Variants in GABRA3 observed in about 807,000 individuals in gnomAD.
GABRA3 encodes gamma-aminobutyric acid receptor subunit alpha-3.
Under a neutral mutation model 30.1 loss-of-function variants are expected in GABRA3, and 10 were observed. The observed-to-expected ratio is 0.33, with a 90% confidence interval of 0.20 to 0.56. The LOEUF is 0.56. Ranked by LOEUF, GABRA3 falls within the 20% of genes least tolerant of loss-of-function variation. The pLI is 0.89. For synonymous variants in GABRA3, 151 were observed against 146.8 expected (o/e 1.03, Z -0.21); for missense variants, 233 against 392.0 (o/e 0.59, Z 3.42).
At chrX:152,299,343 A>C (rs1381874831) in intron 3 of GABRA3, among the ~76,000 whole-genome samples, 2 of 110,717 alleles carry the variant, frequency 1.8e-5, no homozygotes, top group Non-Finnish European at 1.9e-5. Flanking sequence ...GGTTAGAAAA[A>C]GTGAAGCTGA....
At chrX:152,351,680 T>C (rs1437865916) in intron 2 of GABRA3, among the ~76,000 whole-genome samples, 1 of 112,098 alleles carries the variant, frequency 8.9e-6, no homozygotes, top group African/African-American at 3.2e-5. Flanking sequence ...AAACCTTTCA[T>C]TCGCATTGAC....
rs754645991 is a variant in GABRA3, at chrX:152,418,841, C to T, written c.-27+32305G>A. Among the ~76,000 whole-genome samples, 31 of 111,299 alleles carry T rather than the reference C, an allele frequency of 2.8e-4. 1 individual carries two copies. Among genetic ancestry groups the T allele is most frequent in the Middle Eastern group, 4.7e-3 (1 of 214 alleles). On this transcript the variant is annotated intron_variant, in intron 1 of 9. Coordinates refer to ENST00000370314, the MANE Select transcript of GABRA3 (RefSeq NM_000808.4). The stretch of plus-strand genomic sequence containing the variant: ...ATGATGCTATAAAGGTGCATGCACA[C>T]GTATGTTTATTGCGGCACTATTCAC...
Position 152,356,260 on chromosome X carries a change from A to G in GABRA3, c.140+8171T>C, listed in dbSNP as rs1276283405. Among the ~76,000 whole-genome samples the G allele has an allele frequency of 8.0e-5, 9 of 112,232 alleles. No individual in the cohort carries two copies. The Admixed American group carries it at 8.5e-4, about 11-fold the overall frequency. ...TGCTTACAAATACTGAATGTTGAGA[A>G]CTATTACATCAAGCACATGAGTTAT... On this transcript the variant is annotated intron_variant, in intron 2 of 9. Coordinates refer to ENST00000370314, the MANE Select transcript of GABRA3 (RefSeq NM_000808.4).
rs181005204 is a variant in GABRA3, at chrX:152,358,188, T to C, written c.140+6243A>G. On this transcript the variant is annotated intron_variant, in intron 2 of 9. Coordinates refer to ENST00000370314, the MANE Select transcript of GABRA3 (RefSeq NM_000808.4). ...TATTGATTCTTCCTATCCATGTGCA[T>C]GGAATTTTTTTCATTTGTTTGTGTC... is the stretch of plus-strand genomic sequence containing the variant. 5.4e-5 allele frequency among the ~76,000 whole-genome samples: 6 copies of C among 111,913 alleles called. No individual in the cohort carries two copies. The East Asian group carries it at 1.7e-3, about 31-fold the overall frequency.
intron 6 of GABRA3, among the ~76,000 whole-genome samples, chrX:152,208,635 C>T (rs1252041648): frequency 9.3e-6 from 1 of 107,630 alleles, no homozygotes; most frequent in Non-Finnish European, 1.9e-5. Context: ...GCAGATTCCT[C>T]ACAAATGGCT....
intron 4 of GABRA3, among the ~76,000 whole-genome samples, chrX:152,258,303 T>C (rs1263803581): frequency 3.6e-5 from 4 of 111,803 alleles, no homozygotes; most frequent in African/African-American, 9.7e-5. Context: ...GTGTGTTACA[T>C]TGAAGATTAG....
chrX:152,181,954 G>C (rs1228255597), intron 9 of GABRA3, among the ~76,000 whole-genome samples: 1 of 111,021 alleles, frequency 9.0e-6, no homozygotes, highest in African/African-American at 3.3e-5. Context: ...ACTGTAGTGA[G>C]AGTGGACATA....
intron 1 of GABRA3, among the ~76,000 whole-genome samples, chrX:152,413,511 T>C (rs776109298): frequency 9.0e-6 from 1 of 111,665 alleles, no homozygotes; most frequent in South Asian, 3.7e-4. Context: ...GGTTGAACAT[T>C]TGACAATCAA....
intron 6 of GABRA3, among the ~76,000 whole-genome samples, chrX:152,211,530 C>T (rs1285191377): frequency 9.0e-6 from 1 of 111,201 alleles, no homozygotes; most frequent in African/African-American, 3.3e-5. Flanking sequence ...AAGTGGAAGA[C>T]GAAGATGTGA....
At chrX:152,369,690 A>T (rs1461125142) in intron 1 of GABRA3, among the ~76,000 whole-genome samples, 1 of 111,229 alleles carries the variant, frequency 9.0e-6, no homozygotes, top group Non-Finnish European at 1.9e-5. Flanking sequence ...CACATTCCTC[A>T]TACATCCTAT....
At chrX:152,410,092 A>G (rs1485908701) in intron 1 of GABRA3, among the ~76,000 whole-genome samples, 3 of 112,362 alleles carry the variant, frequency 2.7e-5, no homozygotes, top group East Asian at 5.6e-4. Context: ...ATTATTCATT[A>G]TGTTAAGTGA....
chrX:152,320,568 A>T (rs766555249), intron 3 of GABRA3, among the ~76,000 whole-genome samples: 6 of 111,077 alleles, frequency 5.4e-5, no homozygotes, highest in Admixed American at 2.9e-4. Flanking sequence ...TTGAGGACTC[A>T]GGGGAAAGGG....
chrX:152,234,602 A>G (rs961082824), intron 5 of GABRA3, among the ~76,000 whole-genome samples: 4 of 111,662 alleles, frequency 3.6e-5, no homozygotes, highest in Non-Finnish European at 7.5e-5. Context: ...TAATAGTTTC[A>G]GATCTTACAT....
At chrX:152,182,767 TAGTATATATATAC>T (rs1374969471) in intron 9 of GABRA3, among the ~76,000 whole-genome samples, 4 of 82,167 alleles carry the variant, frequency 4.9e-5, no homozygotes, top group African/African-American at 1.9e-4. Flanking sequence ...AGTGTATATA[TAGTATATATATAC>T]AGTATATATA....
At chrX:152,338,957 G>C (rs186163096) in intron 3 of GABRA3, among the ~76,000 whole-genome samples, 8 of 111,559 alleles carry the variant, frequency 7.2e-5, no homozygotes, top group Non-Finnish European at 1.5e-4. Context: ...TTGAAATCAG[G>C]AGTGGGTTAC....
At chrX:152,170,425 C>T (rs747609361) in intron 9 of GABRA3, among the ~76,000 whole-genome samples, 2 of 112,342 alleles carry the variant, frequency 1.8e-5, no homozygotes, top group African/African-American at 3.2e-5. Flanking sequence ...GTGATTCTCC[C>T]GCCTCAGGCT....
At chrX:152,358,946 C>A (rs1285822416) in intron 2 of GABRA3, among the ~76,000 whole-genome samples, 1 of 111,439 alleles carries the variant, frequency 9.0e-6, no homozygotes, top group East Asian at 2.8e-4. Context: ...TTTTGATATG[C>A]TACTGGATTT....
chrX:152,383,312 C>T (rs1929196388), intron 1 of GABRA3, among the ~76,000 whole-genome samples: 1 of 102,735 alleles, frequency 9.7e-6, no homozygotes. Flanking sequence ...TGATACGAAC[C>T]TGGGAGGTGG....
At chrX:152,266,187 A>G (rs1938820204) in intron 4 of GABRA3, among the ~76,000 whole-genome samples, 1 of 111,840 alleles carries the variant, frequency 8.9e-6, no homozygotes, top group Non-Finnish European at 1.9e-5. Context: ...ACATAAAAAA[A>G]CTACAAGACA....
Sources: allele counts gnomAD v4.1 joint callset (sites outside exome capture counted in the v4.1 genomes callset), GRCh38; gene constraint gnomAD v4.1.1; transcripts MANE v1.5; gene names NCBI Gene and HGNC (gene_info 2026-07-23, HGNC 2026-07-21).